COQ5: variants seen among roughly 807,000 people sequenced by gnomAD.
COQ5 encodes 2-methoxy-6-polyprenyl-1,4-benzoquinol methylase, mitochondrial.
COQ5 carries 27 observed loss-of-function variants against 40.5 expected under a neutral mutation model. That is an observed-to-expected ratio of 0.67 (90% CI 0.49 to 0.92). The LOEUF is 0.92. COQ5 is among the 40% of genes least tolerant of loss of function. The pLI is 0.00. For missense variants in COQ5, 409 were observed against 406.4 expected, an observed-to-expected ratio of 1.01 and a Z score of -0.06; for synonymous variants, 141 against 150.0, an observed-to-expected ratio of 0.94 and a Z score of 0.44.
Position 120,526,826 on chromosome 12 carries a change from T to C in COQ5, c.202+2114A>G, listed in dbSNP as rs574152607. On this transcript the variant is annotated intron_variant, in intron 1 of 6. Coordinates refer to ENST00000288532, the MANE Select transcript of COQ5 (RefSeq NM_032314.4). The stretch of plus-strand genomic sequence containing the variant: ...TCCTCCCGGGTTCATGCCATTCTCC[T>C]GCCTCAGCCTCCGGAGTAGCTGGGA... 1.4e-4 allele frequency: 24 copies of C among 169,928 alleles called. No homozygotes were observed. In the South Asian group the frequency reaches 2.7e-3, roughly 19 times the overall value. 10.5% of individuals were successfully genotyped at this position (169,928 alleles called of 1,614,324 possible).
At chr12:120,504,165 T>C (rs1868776511) in intron 5 of COQ5, 84 bp from the exon 6 acceptor site, 1 of 876,318 alleles carries the variant, frequency 1.1e-6, no homozygotes, top group South Asian at 1.3e-5. Flanking sequence ...GGACTAAACC[T>C]GGGGTCACAA....
At chr12:120,521,067 T>C (rs968861979) in intron 2 of COQ5, among the ~76,000 whole-genome samples, 4 of 149,344 alleles carry the variant, frequency 2.7e-5, no homozygotes, top group Non-Finnish European at 4.5e-5. Flanking sequence ...ATCCTGCGTT[T>C]TTTTTTTTTT....
intron 4 of COQ5, among the ~76,000 whole-genome samples, chr12:120,507,475 G>A (rs1461151373): frequency 1.3e-5 from 2 of 149,670 alleles, no homozygotes; most frequent in Non-Finnish European, 3.0e-5. Context: ...AGTAGAGACG[G>A]GGTTTTCACC....
chr12:120,522,426 CA>C, intron 1 of COQ5, 63 bp from the exon 2 acceptor site: 10 of 1,554,834 alleles, frequency 6.4e-6, no homozygotes, highest in Non-Finnish European at 8.9e-6. Flanking sequence ...AAATCCTAAA[CA>C]AAAAAGGAGG....
intron 4 of COQ5, among the ~76,000 whole-genome samples, chr12:120,506,009 C>G (rs1205129150): frequency 6.6e-6 from 1 of 152,078 alleles, no homozygotes; most frequent in African/African-American, 2.4e-5. Flanking sequence ...GAATGCACCA[C>G]CACACCCAAC....
At position 120,503,552 on chromosome 12, in the gene COQ5, A is replaced by G; in HGVS notation, c.*232T>C. On this transcript the variant is annotated 3_prime_UTR_variant, in exon 7 of 7. Coordinates refer to ENST00000288532, the MANE Select transcript of COQ5 (RefSeq NM_032314.4). Reference sequence around the variant, plus strand: ...AGCCAAGAGAAATTAGCAGTTGAGCAAAGATACAGACCAAATGCCTCTGGG... The same window carrying G: ...AGCCAAGAGAAATTAGCAGTTGAGCGAAGATACAGACCAAATGCCTCTGGG... 1.5e-6 allele frequency: 1 copy of G among 645,770 alleles called. No individual in the cohort carries two copies. The highest frequency in any genetic ancestry group is 1.5e-5 in the South Asian group (1 of 66,250). 40.0% of individuals were successfully genotyped at this position (645,770 alleles called of 1,614,324 possible). A position where few individuals can be genotyped will look rare whatever the true frequency, so the allele number is the denominator to read the frequency against.
At chr12:120,514,150 C>T (rs1869270668) in intron 3 of COQ5, among the ~76,000 whole-genome samples, 1 of 152,028 alleles carries the variant, frequency 6.6e-6, no homozygotes, top group African/African-American at 2.4e-5. Context: ...AAACATAGTG[C>T]CTTTGTCTAA....
chr12:120,507,254 T>A (rs533960433), intron 4 of COQ5, among the ~76,000 whole-genome samples: 8 of 151,874 alleles, frequency 5.3e-5, no homozygotes, highest in African/African-American at 1.9e-4. Flanking sequence ...GACTAAATTA[T>A]GAAATATAAA....
chr12:120,513,197 T>C (rs1283391584), intron 3 of COQ5, among the ~76,000 whole-genome samples: 1 of 147,028 alleles, frequency 6.8e-6, no homozygotes, highest in Non-Finnish European at 1.5e-5. Flanking sequence ...AACCATGCTA[T>C]ACATTAAAAA....
At chr12:120,512,515 C>T (rs746315912) in intron 3 of COQ5, among the ~76,000 whole-genome samples, 3 of 151,326 alleles carry the variant, frequency 2.0e-5, no homozygotes, top group Non-Finnish European at 2.9e-5. Context: ...GCAGGGGAAT[C>T]GCTTGAACCG....
chr12:120,508,701 C>T (rs1868991971), intron 4 of COQ5, among the ~76,000 whole-genome samples: 1 of 152,136 alleles, frequency 6.6e-6, no homozygotes, highest in Non-Finnish European at 1.5e-5. Context: ...CACATATAAC[C>T]TTTTGTGCCT....
chr12:120,527,943 C>T (rs1447690917), intron 1 of COQ5, among the ~76,000 whole-genome samples: 3 of 129,648 alleles, frequency 2.3e-5, no homozygotes, highest in Non-Finnish European at 4.7e-5. Flanking sequence ...GCCGAGATCG[C>T]GCCACTGCCT....
chr12:120,526,581 G>A lies in COQ5; in HGVS notation c.202+2359C>T, dbSNP rs1004741190. 2.1e-5 allele frequency: 8 copies of A among 385,462 alleles called. No individual in the cohort carries two copies. In the Admixed American group the frequency reaches 2.6e-4, roughly 13 times the overall value. The allele number at this position is 385,462 out of a possible 1,614,324, so 23.9% of individuals were successfully genotyped here. On this transcript the variant is annotated intron_variant, in intron 1 of 6. Coordinates refer to ENST00000288532, the MANE Select transcript of COQ5 (RefSeq NM_032314.4). ...ATTTCATAACATTGAAAGCACAAAGGATAAAATATCAGAAGTAGATAAAAA... is the reference window on the plus strand; with the variant it reads ...ATTTCATAACATTGAAAGCACAAAGAATAAAATATCAGAAGTAGATAAAAA...
At chr12:120,510,265 C>G (rs1021633091) in intron 3 of COQ5, 142 bp from the exon 4 acceptor site, 13 of 705,390 alleles carry the variant, frequency 1.8e-5, no homozygotes, top group African/African-American at 1.2e-4. Context: ...CCAGCTTCAC[C>G]ATATTCCTTA....
At chr12:120,526,396 C>T (rs1869945395) in intron 1 of COQ5, 4 of 442,182 alleles carry the variant, frequency 9.0e-6, no homozygotes, top group Non-Finnish European at 1.8e-5. Context: ...AATATTGACA[C>T]TGCTGCCACT....
rs906104026 is a variant in COQ5 at position 120,508,280 on chromosome 12, C to T, written c.681+1737G>A. Among the ~76,000 whole-genome samples the T allele has an allele frequency of 8.6e-5, 13 of 151,910 alleles. 1 individual carries two copies. The highest frequency in any genetic ancestry group is 6.6e-4 in the Admixed American group (10 of 15,238). On this transcript the variant is annotated intron_variant, in intron 4 of 6. Coordinates refer to ENST00000288532, the MANE Select transcript of COQ5 (RefSeq NM_032314.4). ...AAGAGTTGGGAGGCCAGCCTGGAGG[C>T]CTCCAAAGAGTTCAAGACCAGCTGA...
chr12:120,504,837 T>A, intron 5 of COQ5, 58 bp downstream of exon 5: 2 of 1,422,540 alleles, frequency 1.4e-6, no homozygotes, highest in Non-Finnish European at 2.0e-6. Flanking sequence ...TTCAATCCAT[T>A]TCGGGGTGGG....
At chr12:120,526,740 A>G (rs1211439748) in intron 1 of COQ5, among the ~76,000 whole-genome samples, 1 of 70,190 alleles carries the variant, frequency 1.4e-5, no homozygotes, top group African/African-American at 7.3e-5. Context: ...TTTGAGACAG[A>G]GTCTTGCTCT....
intron 1 of COQ5, 60 bp downstream of exon 1, chr12:120,528,880 C>T (rs1870088326): frequency 4.1e-6 from 6 of 1,476,524 alleles, no homozygotes; most frequent in Non-Finnish European, 5.7e-6. Context: ...CCTAACTGGC[C>T]AGAAGAAACC....
Sources: gnomAD v4.1 joint callset for allele counts (sites outside exome capture counted in the v4.1 genomes callset) on GRCh38, gnomAD v4.1.1 for gene constraint, MANE v1.5 for transcripts, NCBI Gene and HGNC (gene_info 2026-07-23, HGNC 2026-07-21) for gene names.